The following ANTXR2 variants were observed in gnomAD, a reference collection of about 807,000 sequenced individuals.
ANTXR2 encodes the protein ANTXR cell adhesion molecule 2.
ANTXR2 carries 44 observed loss-of-function variants against 73.7 expected under a neutral mutation model. The ratio of observed to expected loss-of-function variants is 0.60; its 90% confidence interval spans 0.47 to 0.77. The LOEUF (loss-of-function observed/expected upper bound fraction) is 0.77, where lower values mean the gene tolerates loss of function less well. Ranked by LOEUF, ANTXR2 falls within the 30% of genes least tolerant of loss-of-function variation. The pLI is 0.00. For missense variants in ANTXR2, 604 were observed against 592.5 expected (o/e 1.02, Z -0.20); for synonymous variants, 217 against 205.9 (o/e 1.05, Z -0.46).
intron 3 of ANTXR2, among the ~76,000 whole-genome samples, chr4:80,064,240 G>C (rs1254824252): frequency 6.6e-6 from 1 of 152,116 alleles, no homozygotes; most frequent in Non-Finnish European, 1.5e-5. Flanking sequence ...ACATTTTCAG[G>C]CTGGGGGCAA....
chr4:80,046,242 A>G (rs1326289568), intron 7 of ANTXR2, among the ~76,000 whole-genome samples: 1 of 151,816 alleles, frequency 6.6e-6, no homozygotes, highest in Non-Finnish European at 1.5e-5. Context: ...TCCACATCTC[A>G]CAATTCTGAT....
chr4:79,904,472 A>G lies in ANTXR2; in HGVS notation c.*2957T>C, dbSNP rs1726830566. 1 of 152,134 alleles carries G rather than the reference A, an allele frequency of 6.6e-6. No individual in the cohort carries two copies. The highest frequency in any genetic ancestry group is 2.1e-4 in the South Asian group (1 of 4,832). The allele number at this position is 152,134 out of a possible 1,614,324, so 9.4% of individuals were successfully genotyped here. A position where few individuals can be genotyped will look rare whatever the true frequency, so the allele number is the denominator to read the frequency against. On this transcript the variant is annotated 3_prime_UTR_variant, in exon 17 of 17. Coordinates refer to ENST00000403729, the MANE Select transcript of ANTXR2 (RefSeq NM_058172.6). ...TTTTTAAAATAGAATTAACTTAGGG[A>G]AAGGCATCAGTGCTGCAACTCTTAG... is the stretch of plus-strand genomic sequence containing the variant.
At chr4:79,931,499 C>A (rs1232660565) in intron 16 of ANTXR2, among the ~76,000 whole-genome samples, 1 of 151,862 alleles carries the variant, frequency 6.6e-6, no homozygotes, top group African/African-American at 2.4e-5. Context: ...CCCCAAACAC[C>A]CCACCCCCAC....
chr4:79,986,310 T>G (rs1323417386), intron 12 of ANTXR2, among the ~76,000 whole-genome samples: 3 of 152,182 alleles, frequency 2.0e-5, no homozygotes, highest in Admixed American at 1.3e-4. Context: ...TAATGTCAAA[T>G]GTGTCAACTA....
chr4:80,055,522 C>A, intron 4 of ANTXR2, 55 bp from the exon 5 acceptor site: 2 of 1,395,152 alleles, frequency 1.4e-6, no homozygotes, highest in Non-Finnish European at 1.0e-6. Flanking sequence ...TTTTAACCAG[C>A]ATGTTCCATC....
At chr4:80,022,211 C>G (rs772573563) in intron 10 of ANTXR2, among the ~76,000 whole-genome samples, 15 of 152,132 alleles carry the variant, frequency 9.9e-5, no homozygotes, top group Non-Finnish European at 2.1e-4. Flanking sequence ...TTACTACATT[C>G]ACATATTTCT....
intron 16 of ANTXR2, among the ~76,000 whole-genome samples, chr4:79,936,221 C>A (rs1182384274): frequency 6.6e-6 from 1 of 152,150 alleles, no homozygotes; most frequent in African/African-American, 2.4e-5. Flanking sequence ...ACAAGTACTA[C>A]AAATGATATA....
At chr4:79,996,589 A>G (rs1730742104) in intron 12 of ANTXR2, among the ~76,000 whole-genome samples, 1 of 151,936 alleles carries the variant, frequency 6.6e-6, no homozygotes, top group Admixed American at 6.6e-5. Context: ...TGAGTAACAA[A>G]GAAGGGTGAA....
intron 16 of ANTXR2, among the ~76,000 whole-genome samples, chr4:79,937,376 G>C (rs1470895518): frequency 6.6e-6 from 1 of 152,152 alleles, no homozygotes; most frequent in African/African-American, 2.4e-5. Context: ...AGGCTAGTTT[G>C]GCTGGTTTCT....
chr4:80,034,869 T>C (rs369278609), intron 8 of ANTXR2, among the ~76,000 whole-genome samples: 8 of 152,120 alleles, frequency 5.3e-5, no homozygotes, highest in African/African-American at 1.7e-4. Flanking sequence ...ATTTACTATG[T>C]TATGAAAGGA....
At chr4:80,058,806 A>C (rs1221462016) in intron 3 of ANTXR2, among the ~76,000 whole-genome samples, 3 of 152,128 alleles carry the variant, frequency 2.0e-5, no homozygotes, top group African/African-American at 7.2e-5. Flanking sequence ...AGCTTCACTG[A>C]GTTTGGCTTT....
At chr4:79,992,461 C>A (rs1268632294) in intron 12 of ANTXR2, among the ~76,000 whole-genome samples, 2 of 151,310 alleles carry the variant, frequency 1.3e-5, no homozygotes, top group Non-Finnish European at 3.0e-5. Flanking sequence ...TGCTACAAAG[C>A]CATTATTTCT....
intron 12 of ANTXR2, among the ~76,000 whole-genome samples, chr4:79,990,950 A>AT (rs1730439420): frequency 6.6e-6 from 1 of 152,110 alleles, no homozygotes; most frequent in Non-Finnish European, 1.5e-5. Context: ...ACCATATATA[A>AT]AAACCAGCTC....
rs1288486937 is a variant in ANTXR2, at chr4:79,903,729, A to C, written c.*3700T>G. 2 of 152,186 alleles carry C rather than the reference A, an allele frequency of 1.3e-5. No homozygotes were observed. The highest frequency in any genetic ancestry group is 2.9e-5 in the Non-Finnish European group (2 of 68,032). The allele number at this position is 152,186 out of a possible 1,614,324, so 9.4% of individuals were successfully genotyped here. ...CACTGACTTTATTTCCTACAAATAGACAACATTCTCCAGCCTCACCTGCCT... is the reference window on the plus strand; with the variant it reads ...CACTGACTTTATTTCCTACAAATAGCCAACATTCTCCAGCCTCACCTGCCT... On this transcript the variant is annotated 3_prime_UTR_variant, in exon 17 of 17. Coordinates refer to ENST00000403729, the MANE Select transcript of ANTXR2 (RefSeq NM_058172.6).
chr4:80,067,083 G>A (rs1339138092), intron 3 of ANTXR2, among the ~76,000 whole-genome samples: 14 of 152,156 alleles, frequency 9.2e-5, no homozygotes, highest in Admixed American at 9.2e-4. Flanking sequence ...GTGGGTGCCT[G>A]TAGTCTCAGC....
At chr4:80,005,750 G>T (rs1262878002) in intron 12 of ANTXR2, among the ~76,000 whole-genome samples, 1 of 152,012 alleles carries the variant, frequency 6.6e-6, no homozygotes, top group East Asian at 1.9e-4. Context: ...ATTGTTAATG[G>T]AACTCAGTTG....
At chr4:79,945,436 T>C (rs1353378726) in intron 16 of ANTXR2, among the ~76,000 whole-genome samples, 2 of 152,130 alleles carry the variant, frequency 1.3e-5, no homozygotes, top group Admixed American at 1.3e-4. Context: ...ATGGCTAAAA[T>C]AGTTCTTATG....
chr4:80,012,975 G>T (rs1461436546), intron 11 of ANTXR2, among the ~76,000 whole-genome samples: 2 of 152,168 alleles, frequency 1.3e-5, no homozygotes, highest in Non-Finnish European at 2.9e-5. Context: ...AGCCATAAAG[G>T]ATTTAGCACA....
In ANTXR2 at chr4:79,956,490, T is replaced by C. The variant is rs547377937; in HGVS notation, c.1428+21131A>G. On this transcript the variant is annotated intron_variant, in intron 16 of 16. Coordinates refer to ENST00000403729, the MANE Select transcript of ANTXR2 (RefSeq NM_058172.6). The stretch of plus-strand genomic sequence containing the variant: ...CTAGATTCTGTTACATTCGGCAATG[T>C]ACCCTTGGGAAATTCACCAATCATC... 2.5e-4 allele frequency among the ~76,000 whole-genome samples: 38 copies of C among 152,236 alleles called. No homozygotes were observed. The South Asian group carries it at 3.5e-3, about 14-fold the overall frequency.
Sources: gnomAD v4.1 joint callset for allele counts (sites outside exome capture counted in the v4.1 genomes callset) on GRCh38, gnomAD v4.1.1 for gene constraint, MANE v1.5 for transcripts, NCBI Gene and HGNC (gene_info 2026-07-23, HGNC 2026-07-21) for gene names.